SH3RF3: variants seen among roughly 807,000 people sequenced by gnomAD.
SH3RF3 encodes E3 ubiquitin-protein ligase SH3RF3.
In SH3RF3, 29 loss-of-function variants were observed where a neutral mutation model predicts 66.3. The ratio of observed to expected loss-of-function variants is 0.44; its 90% CI spans 0.33 to 0.60. SH3RF3 has a LOEUF of 0.60. SH3RF3 is among the 20% of genes least tolerant of loss of function. SH3RF3 has a pLI of 0.04. For synonymous variants in SH3RF3, 583 were observed against 532.0 expected (o/e 1.10, Z -1.32); for missense variants, 1,194 against 1,190.9 (o/e 1.00, Z -0.04).
intron 1 of SH3RF3, among the ~76,000 whole-genome samples, chr2:109,159,093 G>T (rs916969559): frequency 2.0e-5 from 3 of 152,166 alleles, no homozygotes; most frequent in African/African-American, 4.8e-5. Flanking sequence ...CTCCAGCCTG[G>T]GCGACAGAGT....
chr2:109,158,790 C>T (rs1184984902), intron 1 of SH3RF3, among the ~76,000 whole-genome samples: 1 of 152,214 alleles, frequency 6.6e-6, no homozygotes, highest in Non-Finnish European at 1.5e-5. Context: ...ATGGCTGATT[C>T]CCGAGTGTGC....
chr2:109,413,444 AG>A (rs1291838347), intron 4 of SH3RF3, among the ~76,000 whole-genome samples: 6 of 152,202 alleles, frequency 3.9e-5, no homozygotes, highest in African/African-American at 1.4e-4. Context: ...CATTCTTAAC[AG>A]GAAACTGCCG....
At chr2:109,438,411 C>T (rs370082982) in intron 7 of SH3RF3, among the ~76,000 whole-genome samples, 2 of 152,184 alleles carry the variant, frequency 1.3e-5, no homozygotes, top group Admixed American at 1.3e-4. Context: ...GCCCAGTGTT[C>T]AGCCTTGTGC....
chr2:109,181,103 G>T lies in SH3RF3; in HGVS notation c.573+50990G>T, dbSNP rs151154031. Among the ~76,000 whole-genome samples, 448 of 152,330 alleles carry T rather than the reference G, an allele frequency of 2.9e-3. 4 individuals carry two copies. Among genetic ancestry groups the T allele is most frequent in the Middle Eastern group, 0.01 (3 of 294 alleles). The stretch of plus-strand genomic sequence containing the variant: ...CCGTCAGCATGAGCATGTGGAGGTG[G>T]TGAGGAGAAGTGATGGCTCAGGAAG... On this transcript the variant is annotated intron_variant, in intron 1 of 9. Transcript: ENST00000309415.
At chr2:109,168,950 T>C (rs1677693157) in intron 1 of SH3RF3, among the ~76,000 whole-genome samples, 1 of 152,210 alleles carries the variant, frequency 6.6e-6, no homozygotes, top group African/African-American at 2.4e-5. Context: ...TCTCGAGGGC[T>C]CAGTACACAT....
In SH3RF3 at chr2:109,490,782, T is replaced by C; in HGVS notation, c.2326T>C (p.Cys776Arg). The C allele has an allele frequency of 1.3e-6, 2 of 1,536,934 alleles. No homozygotes were observed. The highest frequency in any genetic ancestry group is 1.7e-6 in the Non-Finnish European group (2 of 1,146,750). ...GTCCATCCACGGCAGGGCAGGGTCC[T>C]GCCCCATAGAGAGCGAGATGCAGGG... ...SLSIHGRAGSCPIESEMQGAM... is the reference protein window; with the variant it reads ...SLSIHGRAGSRPIESEMQGAM... The change falls in exon 9 of 10, where the codon TGC (cysteine) becomes CGC (arginine). Residue 776 changes from cysteine to arginine, a missense_variant. Transcript: ENST00000309415.
At chr2:109,217,555 C>T (rs953183850) in intron 1 of SH3RF3, among the ~76,000 whole-genome samples, 9 of 152,288 alleles carry the variant, frequency 5.9e-5, no homozygotes, top group South Asian at 4.1e-4. Context: ...GTTGAGCTTC[C>T]GGCAGATTTT....
At chr2:109,205,817 CTG>C (rs1256912154) in intron 1 of SH3RF3, among the ~76,000 whole-genome samples, 1 of 152,194 alleles carries the variant, frequency 6.6e-6, no homozygotes, top group Non-Finnish European at 1.5e-5. Context: ...GGGAAGCACA[CTG>C]TGTGTGTAAA....
intron 1 of SH3RF3, among the ~76,000 whole-genome samples, chr2:109,135,351 T>C (rs754659936): frequency 3.3e-5 from 5 of 152,224 alleles, no homozygotes; most frequent in African/African-American, 4.8e-5. Flanking sequence ...GGAATCCCAC[T>C]GAAGGTGGTT....
intron 7 of SH3RF3, among the ~76,000 whole-genome samples, chr2:109,437,748 A>G (rs1677445404): frequency 6.6e-6 from 1 of 151,772 alleles, no homozygotes; most frequent in Non-Finnish European, 1.5e-5. Flanking sequence ...TGGCCCCAGG[A>G]TGTTGTGAGA....
intron 1 of SH3RF3, among the ~76,000 whole-genome samples, chr2:109,271,276 G>A (rs1053430597): frequency 6.6e-6 from 1 of 152,212 alleles, no homozygotes; most frequent in Non-Finnish European, 1.5e-5. Flanking sequence ...GCACCCAGGA[G>A]TCTCCTACCT....
At chr2:109,462,699 C>T (rs1232160815) in intron 8 of SH3RF3, among the ~76,000 whole-genome samples, 1 of 152,182 alleles carries the variant, frequency 6.6e-6, no homozygotes, top group Non-Finnish European at 1.5e-5. Context: ...GTCAGGAAAC[C>T]AATGTGAGGA....
At chr2:109,170,232 CTCT>C (rs1420214171) in intron 1 of SH3RF3, among the ~76,000 whole-genome samples, 2 of 50,786 alleles carry the variant, frequency 3.9e-5, no homozygotes, top group Non-Finnish European at 7.6e-5. Flanking sequence ...CTCTTCTCTT[CTCT>C]TCTTTTCTTT....
chr2:109,269,123 G>T (rs1338735771), intron 1 of SH3RF3, among the ~76,000 whole-genome samples: 3 of 152,234 alleles, frequency 2.0e-5, no homozygotes, highest in Non-Finnish European at 4.4e-5. Context: ...TTTGTGCTGA[G>T]TGGCATTGGA....
Position 109,334,322 on chromosome 2 carries a change from G to A in SH3RF3, c.574-13352G>A, listed in dbSNP as rs1217262856. 4.3e-5 allele frequency among the ~76,000 whole-genome samples: 6 copies of A among 140,394 alleles called. No individual in the cohort carries two copies. In the East Asian group the frequency reaches 1.3e-3, roughly 29 times the overall value. 92.1% of individuals were successfully genotyped at this position (140,394 alleles called of 152,430 possible). A position where few individuals can be genotyped will look rare whatever the true frequency, so the allele number is the denominator to read the frequency against. On this transcript the variant is annotated intron_variant, in intron 1 of 9. Transcript: ENST00000309415. ...TCAGTGAGCCATGATCACACCACTCGACTTCAGATTGGGTGACAGTTTTTT... is the reference window on the plus strand; with the variant it reads ...TCAGTGAGCCATGATCACACCACTCAACTTCAGATTGGGTGACAGTTTTTT...
chr2:109,327,679 A>T (rs972830066), intron 1 of SH3RF3, among the ~76,000 whole-genome samples: 1 of 152,256 alleles, frequency 6.6e-6, no homozygotes, highest in Admixed American at 6.5e-5. Flanking sequence ...TCCTCCATAA[A>T]GGAAATGTAC....
At chr2:109,325,645 A>G (rs2105472388) in intron 1 of SH3RF3, among the ~76,000 whole-genome samples, 1 of 152,228 alleles carries the variant, frequency 6.6e-6, no homozygotes, top group South Asian at 2.1e-4. Context: ...AGCCTGTTCC[A>G]TTCTCAGCAC....
chr2:109,393,037 T>TCCAGC (rs1247557124), intron 3 of SH3RF3, among the ~76,000 whole-genome samples: 2 of 152,146 alleles, frequency 1.3e-5, no homozygotes, highest in Non-Finnish European at 2.9e-5. Flanking sequence ...TTGATCGAAG[T>TCCAGC]CCAGCCCAGC....
At chr2:109,245,074 C>G (rs1679881342) in intron 1 of SH3RF3, among the ~76,000 whole-genome samples, 1 of 152,094 alleles carries the variant, frequency 6.6e-6, no homozygotes, top group African/African-American at 2.4e-5. Context: ...GCTGAGGGAC[C>G]CATTGCTGAG....
Sources: allele counts gnomAD v4.1 joint callset (sites outside exome capture counted in the v4.1 genomes callset), GRCh38; gene constraint gnomAD v4.1.1; transcripts MANE v1.5; gene names NCBI Gene and HGNC (gene_info 2026-07-23, HGNC 2026-07-21).